Variants in ADCY7 observed in about 807,000 individuals in gnomAD.
The protein encoded by ADCY7 is adenylate cyclase type 7.
In ADCY7, 72 loss-of-function variants were observed where a neutral mutation model predicts 120.6. The observed-to-expected ratio is 0.60, with a 90% CI of 0.49 to 0.73. The LOEUF is 0.73. ADCY7 is among the 30% of genes least tolerant of loss of function. The pLI, the probability that ADCY7 is intolerant of heterozygous loss-of-function variation, is 0.00. For missense variants in ADCY7, 1,227 were observed against 1,486.0 expected (o/e 0.83, Z 2.87); for synonymous variants, 661 against 628.0 (o/e 1.05, Z -0.78).
chr16:50,300,573 C>T lies in ADCY7; in HGVS notation c.1077-142C>T. ...TCAGCTCTTCCTGAAGAGGCAGCCC[C>T]ATCAGGCTGAGAACATTCTCTCCCG... On this transcript the variant is annotated intron_variant, in intron 8 of 25. Coordinates refer to ENST00000673801, the MANE Select transcript of ADCY7 (RefSeq NM_001114.5). 4 of 999,374 alleles carry T rather than the reference C, an allele frequency of 4.0e-6. No homozygotes were observed. The South Asian group carries it at 6.7e-5, about 17-fold the overall frequency. 61.9% of individuals were successfully genotyped at this position (999,374 alleles called of 1,614,324 possible). A position where few individuals can be genotyped will look rare whatever the true frequency, so the allele number is the denominator to read the frequency against.
At chr16:50,263,649 C>T (rs999163365), upstream of ADCY7, among the ~76,000 whole-genome samples, 1 of 152,152 alleles carries the variant, frequency 6.6e-6, no homozygotes, top group African/African-American at 2.4e-5. Flanking sequence ...GAACCCCCCT[C>T]CTGTGTCCAG....
chr16:50,284,447 C>A (rs1181324455), intron 1 of ADCY7, among the ~76,000 whole-genome samples: 1 of 152,252 alleles, frequency 6.6e-6, no homozygotes, highest in Non-Finnish European at 1.5e-5. Context: ...CCCAGCCTGG[C>A]TTTGTGTGCC....
At chr16:50,285,113 G>A (rs1208001065) in intron 1 of ADCY7, among the ~76,000 whole-genome samples, 1 of 152,206 alleles carries the variant, frequency 6.6e-6, no homozygotes, top group Non-Finnish European at 1.5e-5. Flanking sequence ...CTAGTGGGCT[G>A]CAAATATTGA....
chr16:50,309,619 G>A lies in ADCY7; in HGVS notation c.2133G>A (p.Lys711=), dbSNP rs760203067. ...CAGGCCTACTGGCCGCGAGCAGCAA[G>A]ACAAGAGCCCTGTGTGAGCCCCTCC... ...NETGLLAASS[K]TRALCEPLPY... is the part of the protein sequence containing the mutation. The change falls in exon 18 of 26, where the codon AAG becomes AAA. Residue 711 remains lysine (K), a synonymous_variant. Coordinates refer to ENST00000673801, the MANE Select transcript of ADCY7 (RefSeq NM_001114.5). 6 of 1,612,182 alleles carry A rather than the reference G, an allele frequency of 3.7e-6. 1 individual carries two copies. The South Asian group carries it at 5.5e-5, about 15-fold the overall frequency.
chr16:50,306,952 C>A, intron 14 of ADCY7, 98 bp from the exon 15 acceptor site: 2 of 904,830 alleles, frequency 2.2e-6, no homozygotes, highest in Non-Finnish European at 1.7e-6. Flanking sequence ...AGCCACTGTC[C>A]CAGCAGGGAG....
At chr16:50,305,908 G>T in intron 14 of ADCY7, 59 bp downstream of exon 14, 1 of 1,557,442 alleles carries the variant, frequency 6.4e-7, no homozygotes, top group South Asian at 1.1e-5. Flanking sequence ...CTGGGGTAGG[G>T]TGGGGGACGC....
At chr16:50,298,241 C>T (rs66470361) in intron 7 of ADCY7, among the ~76,000 whole-genome samples, 62,757 of 151,928 alleles carry the variant, frequency 0.41, 13,237 homozygotes, top group Middle Eastern at 0.58. Flanking sequence ...CCTCACCCCC[C>T]ACTCCTGCAG....
intron 1 of ADCY7, among the ~76,000 whole-genome samples, chr16:50,282,054 A>T (rs1362902027): frequency 6.6e-6 from 1 of 152,070 alleles, no homozygotes; most frequent in African/African-American, 2.4e-5. Context: ...TCTTCCCTGG[A>T]GGCTTCCATG....
chr16:50,309,342 C>T (rs1046828060), intron 17 of ADCY7: 6 of 539,534 alleles, frequency 1.1e-5, no homozygotes, highest in African/African-American at 5.8e-5. Context: ...GGTGTCTGCA[C>T]CCTCATCTCC....
At position 50,304,625 on chromosome 16, in the gene ADCY7, TCTC is replaced by T. The variant is rs2035943876; in HGVS notation, c.1560+77_1560+79del. 3.6e-6 allele frequency: 5 copies of T among 1,387,276 alleles called. No homozygotes were observed. In the South Asian group the frequency reaches 5.5e-5, roughly 15 times the overall value. The allele number at this position is 1,387,276 out of a possible 1,614,324, so 85.9% of individuals were successfully genotyped here. A position where few individuals can be genotyped will look rare whatever the true frequency, so the allele number is the denominator to read the frequency against. On this transcript the variant is annotated intron_variant, in intron 11 of 25. Transcript: ENST00000673801. ...GGAGCAGGAGAGTGAGTGCTGAAGA[TCTC>T]CTGCCCTCTCAGCCTCACTGTCCCC...
At chr16:50,305,875 G>A (rs190789127) in intron 14 of ADCY7, 26 bp downstream of exon 14, 29 of 1,610,388 alleles carry the variant, frequency 1.8e-5, no homozygotes, top group Middle Eastern at 1.6e-4. Flanking sequence ...AGCCTCCTCC[G>A]CAGAGGGACG....
Position 50,315,830 on chromosome 16 carries a change from C to A in ADCY7, c.*325C>A. ...AGGTGCCAGGCAGGCAACTTTAGCA[C>A]ATGATGAAAACAGACTTCCACCTCA... On this transcript the variant is annotated 3_prime_UTR_variant, in exon 26 of 26. Transcript: ENST00000673801. The A allele has an allele frequency of 3.7e-6, 1 of 271,304 alleles. No individual in the cohort carries two copies. Among genetic ancestry groups the A allele is most frequent in the African/African-American group, 2.2e-5 (1 of 46,418 alleles). The allele number at this position is 271,304 out of a possible 1,614,324, so 16.8% of individuals were successfully genotyped here. A position where few individuals can be genotyped will look rare whatever the true frequency, so the allele number is the denominator to read the frequency against.
chr16:50,281,737 T>TG (rs1299704663), intron 1 of ADCY7, among the ~76,000 whole-genome samples: 1 of 152,018 alleles, frequency 6.6e-6, no homozygotes, highest in Non-Finnish European at 1.5e-5. Context: ...GGGCTGGGCT[T>TG]GGGGGGATGG....
At chr16:50,248,384 A>C (rs1365966578) in intron 1 of ADCY7, among the ~76,000 whole-genome samples, 6 of 152,232 alleles carry the variant, frequency 3.9e-5, no homozygotes, top group Non-Finnish European at 5.9e-5. Context: ...TGCTGAATCC[A>C]GCAAGGGGTG....
chr16:50,266,674 G>C lies in ADCY7; in HGVS notation c.-275G>C, dbSNP rs973275549. On this transcript the variant is annotated 5_prime_UTR_variant, in exon 1 of 26. Coordinates refer to ENST00000673801, the MANE Select transcript of ADCY7 (RefSeq NM_001114.5). Reference sequence around the variant, plus strand: ...GGCCGGCTGCTGGGGCCGGGGAGGAGAGCCAGGTAAAAGTGGGGTGTGGGG... The same window carrying C: ...GGCCGGCTGCTGGGGCCGGGGAGGACAGCCAGGTAAAAGTGGGGTGTGGGG... The C allele has an allele frequency of 2.0e-5, 3 of 153,270 alleles. No homozygotes were observed. Among genetic ancestry groups the C allele is most frequent in the African/African-American group, 7.2e-5 (3 of 41,480 alleles). 9.5% of individuals were successfully genotyped at this position (153,270 alleles called of 1,614,324 possible).
chr16:50,276,003 G>A (rs183159509), intron 1 of ADCY7, among the ~76,000 whole-genome samples: 29 of 152,322 alleles, frequency 1.9e-4, no homozygotes, highest in African/African-American at 5.8e-4. Context: ...CTCAGAGGTC[G>A]CAGAGCTTGT....
chr16:50,317,765 GAC>G lies in ADCY7; in HGVS notation c.*2265_*2266del, dbSNP rs1295721287. On this transcript the variant is annotated 3_prime_UTR_variant, in exon 26 of 26. Coordinates refer to ENST00000673801, the MANE Select transcript of ADCY7 (RefSeq NM_001114.5). The stretch of plus-strand genomic sequence containing the variant: ...ACTGGTGTCATTTTGTTTTATGACA[GAC>G]ACACGTATCTAACAAACAAACAAAC... The G allele has an allele frequency of 1.3e-5, 2 of 152,292 alleles. No individual in the cohort carries two copies. Among genetic ancestry groups the G allele is most frequent in the African/African-American group, 4.8e-5 (2 of 41,426 alleles). The allele number at this position is 152,292 out of a possible 1,614,324, so 9.4% of individuals were successfully genotyped here. A position where few individuals can be genotyped will look rare whatever the true frequency, so the allele number is the denominator to read the frequency against.
intron 1 of ADCY7, among the ~76,000 whole-genome samples, chr16:50,270,716 A>G (rs1009465228): frequency 3.3e-5 from 5 of 152,132 alleles, no homozygotes; most frequent in African/African-American, 1.2e-4. Context: ...CATCCCTCGG[A>G]CTAATCATTT....
rs774872669 is a variant in ADCY7, at chr16:50,309,662, C to T, written c.2160+16C>T. On this transcript the variant is annotated intron_variant, in intron 18 of 25. Coordinates refer to ENST00000673801, the MANE Select transcript of ADCY7 (RefSeq NM_001114.5). ...GCCCCTCCCGGTGAGTGCGCCGGGC[C>T]CGGCTCCGTGGCCTCATTCAGAGTG... is the stretch of plus-strand genomic sequence containing the variant. 1 of 1,602,224 alleles carries T rather than the reference C, an allele frequency of 6.2e-7. No individual in the cohort carries two copies. The highest frequency in any genetic ancestry group is 8.5e-7 in the Non-Finnish European group (1 of 1,177,828).
Sources: gnomAD v4.1 joint callset for allele counts (sites outside exome capture counted in the v4.1 genomes callset) on GRCh38, gnomAD v4.1.1 for gene constraint, MANE v1.5 for transcripts, NCBI Gene and HGNC (gene_info 2026-07-23, HGNC 2026-07-21) for gene names.